The following ELMO1 variants were observed in gnomAD, a reference collection of about 807,000 sequenced individuals.
ELMO1 encodes the protein engulfment and cell motility protein 1.
In ELMO1, 26 loss-of-function variants were observed where a neutral mutation model predicts 98.9. That is an observed-to-expected ratio of 0.26 (90% CI 0.19 to 0.36). The LOEUF (loss-of-function observed/expected upper bound fraction) is 0.36, where lower values mean the gene tolerates loss of function less well. Ranked by LOEUF, ELMO1 falls within the 10% of genes least tolerant of loss-of-function variation. The pLI is 1.00. For synonymous variants in ELMO1, 346 were observed against 346.0 expected, an observed-to-expected ratio of 1.00 and a Z score of 0.00; for missense variants, 627 against 935.2, an observed-to-expected ratio of 0.67 and a Z score of 4.30.
chr7:36,927,257 A>G (rs993697085), intron 16 of ELMO1, among the ~76,000 whole-genome samples: 1 of 152,208 alleles, frequency 6.6e-6, no homozygotes, highest in Non-Finnish European at 1.5e-5. Flanking sequence ...TCCCTGCCTC[A>G]AGAGACACTC....
chr7:37,044,374 G>A (rs1795689895), intron 15 of ELMO1, among the ~76,000 whole-genome samples: 1 of 152,194 alleles, frequency 6.6e-6, no homozygotes, highest in African/African-American at 2.4e-5. Flanking sequence ...TACTTCACAT[G>A]TGTTATATAC....
At chr7:37,067,559 G>A (rs376745819) in intron 15 of ELMO1, among the ~76,000 whole-genome samples, 4 of 152,040 alleles carry the variant, frequency 2.6e-5, no homozygotes, top group East Asian at 3.8e-4. Context: ...GAAAAGAAGC[G>A]GAGCCTTGTT....
chr7:37,058,541 G>C (rs893699184), intron 15 of ELMO1, among the ~76,000 whole-genome samples: 28 of 152,126 alleles, frequency 1.8e-4, no homozygotes, highest in African/African-American at 6.8e-4. Flanking sequence ...AATCTGTCCA[G>C]GCTTTCATCA....
intron 16 of ELMO1, among the ~76,000 whole-genome samples, chr7:36,904,188 C>A (rs1783791021): frequency 6.6e-6 from 1 of 152,260 alleles, no homozygotes. Context: ...CCTGAGCAGG[C>A]AGGCTTGTGG....
chr7:37,380,612 C>G (rs1185677240), intron 1 of ELMO1, among the ~76,000 whole-genome samples: 1 of 152,174 alleles, frequency 6.6e-6, no homozygotes, highest in Non-Finnish European at 1.5e-5. Flanking sequence ...TAGTTGTGTT[C>G]TATAAAGTCA....
At chr7:37,063,395 CT>C (rs1194427005) in intron 15 of ELMO1, among the ~76,000 whole-genome samples, 1 of 152,048 alleles carries the variant, frequency 6.6e-6, no homozygotes, top group African/African-American at 2.4e-5. Flanking sequence ...AGTAAGGAAT[CT>C]AAATCTTCAA....
At position 36,855,324 on chromosome 7, in the gene ELMO1, T is replaced by G; in HGVS notation, c.*227A>C. ...TTGTCCCACCAGTGGACTGCAGCCA[T>G]GGGAAGTGACCTGAAGCAGTGGAGC... On this transcript the variant is annotated 3_prime_UTR_variant, in exon 22 of 22. Transcript: ENST00000310758. This position sits in a 1 kb window ranked among gnomAD's most constrained non-coding sequence, Gnocchi z 4.2. The G allele has an allele frequency of 1.8e-6, 1 of 570,528 alleles. No homozygotes were observed. The highest frequency in any genetic ancestry group is 3.1e-6 in the Non-Finnish European group (1 of 320,672). The allele number at this position is 570,528 out of a possible 1,614,324, so 35.3% of individuals were successfully genotyped here. A position where few individuals can be genotyped will look rare whatever the true frequency, so the allele number is the denominator to read the frequency against.
intron 15 of ELMO1, chr7:37,033,492 T>TAAAA: frequency 2.6e-6 from 1 of 378,390 alleles, no homozygotes; most frequent in Non-Finnish European, 5.2e-6. Context: ...TGTTTAGTGT[T>TAAAA]AAAAAAAAAA....
At chr7:36,869,773 T>C (rs2072519) in intron 20 of ELMO1, among the ~76,000 whole-genome samples, 7,783 of 152,274 alleles carry the variant, frequency 0.051, 419 homozygotes, top group East Asian at 0.25. Flanking sequence ...GAATGGTTGG[T>C]AAACTAGGAG....
Position 37,426,883 on chromosome 7 carries a change from A to G in ELMO1, c.-74+21792T>C, listed in dbSNP as rs190146949. Among the ~76,000 whole-genome samples the G allele has an allele frequency of 2.5e-4, 38 of 152,344 alleles. No individual in the cohort carries two copies. The East Asian group carries it at 6.7e-3, about 27-fold the overall frequency. On this transcript the variant is annotated intron_variant, in intron 1 of 21. Transcript: ENST00000310758. ...TCTTTTTCCAAGACACATGAAAATG[A>G]ATAAAAAACTATTTAAATATTCCCT...
intron 13 of ELMO1, among the ~76,000 whole-genome samples, chr7:37,203,522 A>G (rs1019425071): frequency 6.6e-6 from 1 of 151,692 alleles, no homozygotes; most frequent in Non-Finnish European, 1.5e-5. Context: ...TCCCCCTACA[A>G]TGGGGCTTTG....
intron 13 of ELMO1, 92 bp from the exon 14 acceptor site, chr7:37,133,326 C>T: frequency 1.1e-6 from 1 of 918,226 alleles, no homozygotes; most frequent in Admixed American, 2.5e-5. Context: ...GAGTGAAGTG[C>T]TACAAGGTAA....
At chr7:37,006,294 T>A (rs1793118834) in intron 16 of ELMO1, among the ~76,000 whole-genome samples, 1 of 152,256 alleles carries the variant, frequency 6.6e-6, no homozygotes, top group South Asian at 2.1e-4. Context: ...CACTTTAGGT[T>A]TTGCCTGTTG....
In ELMO1 at chr7:37,124,583, G is replaced by A. The variant is rs141923306; in HGVS notation, c.1191+8547C>T. 9.5e-3 allele frequency among the ~76,000 whole-genome samples: 1,440 copies of A among 152,254 alleles called. 28 individuals are homozygous for A. Among genetic ancestry groups the A allele is most frequent in the African/African-American group, 0.032 (1,321 of 41,524 alleles). ...CCTAAGAATCCAACTTACAAGGGAC[G>A]TGAAGGACCTCTTCGAGGAGAACAA... On this transcript the variant is annotated intron_variant, in intron 14 of 21. Coordinates refer to ENST00000310758, the MANE Select transcript of ELMO1 (RefSeq NM_014800.11).
intron 4 of ELMO1, among the ~76,000 whole-genome samples, chr7:37,290,456 G>A (rs1409963380): frequency 6.6e-6 from 1 of 152,056 alleles, no homozygotes; most frequent in Non-Finnish European, 1.5e-5. Context: ...CAGTGTATTT[G>A]CAGAAATTAA....
At chr7:37,248,546 C>A (rs979823506) in intron 6 of ELMO1, among the ~76,000 whole-genome samples, 1 of 152,212 alleles carries the variant, frequency 6.6e-6, no homozygotes, top group Non-Finnish European at 1.5e-5. Context: ...TGGGAGAGCC[C>A]TCAAGAGCTG....
chr7:37,141,540 A>G (rs1787641925), intron 13 of ELMO1, among the ~76,000 whole-genome samples: 1 of 152,208 alleles, frequency 6.6e-6, no homozygotes, highest in African/African-American at 2.4e-5. Context: ...AACTGAAAAT[A>G]AGAAAATTTA....
intron 15 of ELMO1, among the ~76,000 whole-genome samples, chr7:37,042,650 C>T (rs578085798): frequency 6.6e-6 from 1 of 152,304 alleles, no homozygotes; most frequent in South Asian, 2.1e-4. Flanking sequence ...CTTCCAAAAT[C>T]TGAGACATCC....
chr7:37,056,560 A>C (rs1194807004), intron 15 of ELMO1, among the ~76,000 whole-genome samples: 1 of 152,266 alleles, frequency 6.6e-6, no homozygotes, highest in East Asian at 1.9e-4. Context: ...GGAAAATTAA[A>C]GAAGCATAGT....
Sources: gnomAD v4.1 joint callset for allele counts (sites outside exome capture counted in the v4.1 genomes callset) on GRCh38, gnomAD v4.1.1 for gene constraint, Gnocchi (gnomAD v3.1) non-coding constraint, MANE v1.5 for transcripts, NCBI Gene and HGNC (gene_info 2026-07-23, HGNC 2026-07-21) for gene names.